Variants in COG5 observed in about 807,000 individuals in gnomAD.
The protein encoded by COG5 is component of oligomeric golgi complex 5, also known as conserved oligomeric Golgi complex subunit 5.
Under a neutral mutation model 110.4 loss-of-function variants are expected in COG5, and 86 were observed. The ratio of observed to expected loss-of-function variants is 0.78; its 90% CI spans 0.65 to 0.93. COG5 has a LOEUF of 0.93. Among genes scored for constraint, COG5 ranks in the 40% least tolerant of loss-of-function variants. The pLI, the probability that COG5 is intolerant of heterozygous loss-of-function variation, is 0.00. For synonymous variants in COG5, 360 were observed against 334.6 expected (o/e 1.08, Z -0.83); for missense variants, 1,077 against 987.0 (o/e 1.09, Z -1.22).
chr7:107,436,065 T>G (rs1794345389), intron 6 of COG5, among the ~76,000 whole-genome samples: 1 of 152,178 alleles, frequency 6.6e-6, no homozygotes, highest in Non-Finnish European at 1.5e-5. Flanking sequence ...ATGTTCTCAC[T>G]CATATGTGGG....
At chr7:107,409,971 G>C (rs1401172518) in intron 7 of COG5, among the ~76,000 whole-genome samples, 1 of 152,202 alleles carries the variant, frequency 6.6e-6, no homozygotes, top group Non-Finnish European at 1.5e-5. Context: ...CTGCATCTAA[G>C]AATCATAAAT....
At chr7:107,331,268 C>T (rs1810214888) in intron 10 of COG5, among the ~76,000 whole-genome samples, 1 of 151,914 alleles carries the variant, frequency 6.6e-6, no homozygotes, top group South Asian at 2.1e-4. Context: ...GAGATCGGGA[C>T]CATCCTGGCT....
At chr7:107,369,397 T>G (rs1813920328) in intron 8 of COG5, among the ~76,000 whole-genome samples, 1 of 149,504 alleles carries the variant, frequency 6.7e-6, no homozygotes, top group Non-Finnish European at 1.5e-5. Flanking sequence ...TTTTTTTTTT[T>G]TTTTTTTGAG....
At chr7:107,259,991 T>C (rs969535881) in intron 14 of COG5, among the ~76,000 whole-genome samples, 2 of 151,474 alleles carry the variant, frequency 1.3e-5, no homozygotes, top group Non-Finnish European at 2.9e-5. Flanking sequence ...AATGTAAAAT[T>C]GGAGGAGCTG....
chr7:107,546,561 G>A (rs192695450), intron 5 of COG5, among the ~76,000 whole-genome samples: 4 of 149,892 alleles, frequency 2.7e-5, no homozygotes, highest in African/African-American at 9.8e-5. Flanking sequence ...TCAGCCTCCC[G>A]AGTATCTGGG....
intron 11 of COG5, among the ~76,000 whole-genome samples, chr7:107,302,436 G>A (rs1171658617): frequency 6.6e-6 from 1 of 152,094 alleles, no homozygotes; most frequent in East Asian, 1.9e-4. Flanking sequence ...TGATGAATAT[G>A]TTCACTGATT....
intron 6 of COG5, among the ~76,000 whole-genome samples, chr7:107,508,398 G>T (rs569550877): frequency 6.6e-6 from 1 of 152,354 alleles, no homozygotes; most frequent in East Asian, 1.9e-4. Flanking sequence ...CAACTGGGTG[G>T]AGCCCACCAC....
chr7:107,207,255 T>A (rs1798850962), intron 21 of COG5, among the ~76,000 whole-genome samples: 1 of 152,162 alleles, frequency 6.6e-6, no homozygotes, highest in African/African-American at 2.4e-5. Context: ...ACAGAACTGA[T>A]AGGTAGCTAG....
At chr7:107,389,766 G>C (rs1790481108) in intron 7 of COG5, among the ~76,000 whole-genome samples, 2 of 151,954 alleles carry the variant, frequency 1.3e-5, no homozygotes. Flanking sequence ...TGGGGGGATG[G>C]GATATCTCAG....
At chr7:107,527,543 G>A (rs1800864779) in intron 5 of COG5, among the ~76,000 whole-genome samples, 186 bp from the exon 6 acceptor site, 1 of 152,136 alleles carries the variant, frequency 6.6e-6, no homozygotes. Flanking sequence ...GGCTCACATT[G>A]TGCTTAATAT....
At chr7:107,378,552 G>C (rs1439215621) in intron 7 of COG5, among the ~76,000 whole-genome samples, 1 of 152,130 alleles carries the variant, frequency 6.6e-6, no homozygotes, top group Non-Finnish European at 1.5e-5. Flanking sequence ...TCGCTAACTA[G>C]AATAATCAAT....
intron 18 of COG5, among the ~76,000 whole-genome samples, chr7:107,234,773 TCA>T (rs1801047869): frequency 6.6e-6 from 1 of 151,356 alleles, no homozygotes; most frequent in Non-Finnish European, 1.5e-5. Context: ...TGAGTATAGT[TCA>T]CACTTTTTTT....
chr7:107,343,764 T>A (rs1363250692), intron 10 of COG5, among the ~76,000 whole-genome samples: 1 of 152,196 alleles, frequency 6.6e-6, no homozygotes, highest in African/African-American at 2.4e-5. Flanking sequence ...GTAGAATGGA[T>A]GTTATGTTAG....
intron 16 of COG5, chr7:107,253,198 C>T (rs1169352962): frequency 6.6e-6 from 1 of 151,980 alleles, no homozygotes; most frequent in African/African-American, 2.4e-5. Context: ...GTGAGGTTTC[C>T]CACTTAGGAA....
At chr7:107,447,879 G>A (rs1033640194) in intron 6 of COG5, among the ~76,000 whole-genome samples, 2 of 152,132 alleles carry the variant, frequency 1.3e-5, no homozygotes, top group African/African-American at 4.8e-5. Context: ...CTGACAGTCG[G>A]GCACAGTGGC....
intron 6 of COG5, among the ~76,000 whole-genome samples, chr7:107,511,563 G>C (rs1265411162): frequency 1.3e-5 from 2 of 152,200 alleles, no homozygotes; most frequent in African/African-American, 2.4e-5. Context: ...GCATCATCCT[G>C]ATACCAAAGC....
chr7:107,218,532 C>A (rs765873492), intron 19 of COG5, among the ~76,000 whole-genome samples: 1 of 152,026 alleles, frequency 6.6e-6, no homozygotes, highest in African/African-American at 2.4e-5. Flanking sequence ...GAACATAGAG[C>A]CCATAAATGA....
intron 3 of COG5, among the ~76,000 whole-genome samples, chr7:107,551,969 A>G (rs1178941531): frequency 6.6e-6 from 1 of 152,204 alleles, no homozygotes; most frequent in Non-Finnish European, 1.5e-5. Flanking sequence ...TGAGATAATC[A>G]TAGGAAAAAA....
chr7:107,391,765 C>A (rs1790640246), intron 7 of COG5, among the ~76,000 whole-genome samples: 1 of 152,096 alleles, frequency 6.6e-6, no homozygotes, highest in Non-Finnish European at 1.5e-5. Flanking sequence ...GTTTGAGAAC[C>A]ACTATTTACA....
Sources: gnomAD v4.1 joint callset for allele counts (sites outside exome capture counted in the v4.1 genomes callset) on GRCh38, gnomAD v4.1.1 for gene constraint, MANE v1.5 for transcripts, NCBI Gene and HGNC (gene_info 2026-07-23, HGNC 2026-07-21) for gene names.